COL24A1: variants seen among roughly 807,000 people sequenced by gnomAD.
COL24A1 encodes collagen alpha-1(XXIV) chain.
In COL24A1, 224 loss-of-function variants were observed where a neutral mutation model predicts 253.9. The observed-to-expected ratio is 0.88, with a 90% CI of 0.79 to 0.99. The LOEUF is 0.99. Ranked by LOEUF, COL24A1 falls within the 50% of genes least tolerant of loss-of-function variation. COL24A1 has a pLI of 0.00. For synonymous variants in COL24A1, 685 were observed against 673.7 expected (o/e 1.02, Z -0.26); for missense variants, 2,131 against 2,068.5 (o/e 1.03, Z -0.59).
intron 8 of COL24A1, 135 bp downstream of exon 8, chr1:86,063,580 T>C (rs1701262518): frequency 2.2e-6 from 1 of 464,880 alleles, no homozygotes; most frequent in African/African-American, 2.0e-5. Context: ...AATTAAAAGG[T>C]TGTCCTGCAC....
chr1:86,018,647 C>A (rs1396999030), intron 18 of COL24A1, among the ~76,000 whole-genome samples: 7 of 152,122 alleles, frequency 4.6e-5, no homozygotes, highest in Non-Finnish European at 2.9e-5. Flanking sequence ...CAGAATAATT[C>A]TTTGTTTTGT....
chr1:86,091,191 C>T (rs1703466629), intron 6 of COL24A1, among the ~76,000 whole-genome samples: 1 of 151,764 alleles, frequency 6.6e-6, no homozygotes, highest in Non-Finnish European at 1.5e-5. Context: ...CTCAGTTCCA[C>T]CACAATAATA....
At chr1:85,796,969 G>C (rs1670874414) in intron 47 of COL24A1, among the ~76,000 whole-genome samples, 1 of 151,938 alleles carries the variant, frequency 6.6e-6, no homozygotes, top group African/African-American at 2.4e-5. Context: ...GGGAGGCTGA[G>C]GCGGGTGGAT....
chr1:86,008,468 A>G (rs1696176174), intron 19 of COL24A1, among the ~76,000 whole-genome samples: 1 of 152,062 alleles, frequency 6.6e-6, no homozygotes. Flanking sequence ...GCCAGTATTG[A>G]ACTCCTGGGC....
Position 86,109,574 on chromosome 1 carries a change from C to T in COL24A1, c.1599+2993G>A, listed in dbSNP as rs191798597. On this transcript the variant is annotated intron_variant, in intron 5 of 59. Transcript: ENST00000370571. ...AAATTGAAAGAGTTAAGACTTGAAC[C>T]CACATCTGTCAGACTCCAAAAATTC... is the stretch of plus-strand genomic sequence containing the variant. 2.6e-5 allele frequency among the ~76,000 whole-genome samples: 4 copies of T among 152,240 alleles called. 1 individual carries two copies. The East Asian group carries it at 5.8e-4, about 22-fold the overall frequency.
chr1:86,095,008 C>A (rs1252807016), intron 5 of COL24A1, among the ~76,000 whole-genome samples: 1 of 151,790 alleles, frequency 6.6e-6, no homozygotes, highest in African/African-American at 2.4e-5. Flanking sequence ...ATATTTTAAT[C>A]TTTTATTATA....
chr1:85,941,843 T>C (rs1571307949), intron 24 of COL24A1, among the ~76,000 whole-genome samples: 1 of 152,146 alleles, frequency 6.6e-6, no homozygotes, highest in Non-Finnish European at 1.5e-5. Flanking sequence ...CTCTTTTGAG[T>C]GTAGGGGCTG....
chr1:85,862,806 T>C (rs1029143619), intron 37 of COL24A1, among the ~76,000 whole-genome samples: 182 of 152,352 alleles, frequency 1.2e-3, no homozygotes, highest in Non-Finnish European at 1.3e-3. Context: ...TCCCAACTGA[T>C]TGTTTCCAAG....
chr1:85,965,098 T>C (rs773001493), intron 22 of COL24A1, 36 bp from the exon 23 acceptor site: 8 of 1,513,288 alleles, frequency 5.3e-6, no homozygotes, highest in Non-Finnish European at 5.4e-6. Context: ...AAAGTATATA[T>C]GTTTAGTCAT....
intron 2 of COL24A1, among the ~76,000 whole-genome samples, chr1:86,142,500 A>G (rs1402996029): frequency 6.6e-6 from 1 of 150,954 alleles, no homozygotes; most frequent in African/African-American, 2.4e-5. Context: ...TCCAGCCTGG[A>G]CGACAGAGTG....
intron 47 of COL24A1, among the ~76,000 whole-genome samples, chr1:85,800,713 G>A (rs1671337507): frequency 6.6e-6 from 1 of 152,094 alleles, no homozygotes; most frequent in South Asian, 2.1e-4. Flanking sequence ...TGATGTTACT[G>A]CCACTGCCAC....
At chr1:86,112,004 G>A (rs79954139) in intron 5 of COL24A1, among the ~76,000 whole-genome samples, 26,354 of 152,002 alleles carry the variant, frequency 0.17, 2,380 homozygotes, top group South Asian at 0.26. Flanking sequence ...GAGGGTCCGT[G>A]GCTTCATTCT....
intron 53 of COL24A1, among the ~76,000 whole-genome samples, chr1:85,764,608 G>C (rs555185448): frequency 6.6e-6 from 1 of 152,058 alleles, no homozygotes; most frequent in South Asian, 2.1e-4. Flanking sequence ...CTCTGGTTTT[G>C]TCTTTGTAAC....
chr1:85,831,591 C>T (rs1236084371), intron 43 of COL24A1, among the ~76,000 whole-genome samples: 1 of 151,940 alleles, frequency 6.6e-6, no homozygotes, highest in African/African-American at 2.4e-5. Context: ...CAAAATTATT[C>T]AGGAGAGGTT....
chr1:86,103,706 G>A (rs1159859019), intron 5 of COL24A1, among the ~76,000 whole-genome samples: 1 of 152,104 alleles, frequency 6.6e-6, no homozygotes, highest in Non-Finnish European at 1.5e-5. Flanking sequence ...TTGAATATTG[G>A]CCCCCAGTCT....
intron 7 of COL24A1, among the ~76,000 whole-genome samples, chr1:86,068,309 CT>C (rs1188866636): frequency 6.6e-6 from 1 of 152,220 alleles, no homozygotes; most frequent in African/African-American, 2.4e-5. Context: ...CCCATCTCCC[CT>C]GGCAGCAGCC....
intron 38 of COL24A1, among the ~76,000 whole-genome samples, chr1:85,848,190 G>A (rs947490286): frequency 6.6e-6 from 1 of 152,114 alleles, no homozygotes; most frequent in Admixed American, 6.5e-5. Flanking sequence ...TGTACATTCA[G>A]GATCATCACT....
chr1:86,017,588 T>C (rs779088534), intron 18 of COL24A1, among the ~76,000 whole-genome samples: 3 of 152,270 alleles, frequency 2.0e-5, no homozygotes, highest in Non-Finnish European at 4.4e-5. Context: ...TCTCTGAAAA[T>C]TCCTCTCTCC....
intron 28 of COL24A1, among the ~76,000 whole-genome samples, chr1:85,897,272 G>T (rs2102812252): frequency 6.6e-6 from 1 of 152,226 alleles, no homozygotes; most frequent in African/African-American, 2.4e-5. Context: ...GGGAGGGAGT[G>T]TATCAGGAAG....
Sources: allele counts gnomAD v4.1 joint callset (sites outside exome capture counted in the v4.1 genomes callset), GRCh38; gene constraint gnomAD v4.1.1; transcripts MANE v1.5; gene names NCBI Gene and HGNC (gene_info 2026-07-23, HGNC 2026-07-21).